UNC5D: variants seen among roughly 807,000 people sequenced by gnomAD.
UNC5D encodes the protein unc-5 netrin receptor D, also known as netrin receptor UNC5D.
Under a neutral mutation model 105.4 loss-of-function variants are expected in UNC5D, and 39 were observed. The observed-to-expected ratio is 0.37, with a 90% CI of 0.29 to 0.48. The LOEUF is 0.48. Among genes scored for constraint, UNC5D ranks in the 20% least tolerant of loss-of-function variants. UNC5D has a pLI of 0.98. For synonymous variants in UNC5D, 452 were observed against 450.4 expected, an observed-to-expected ratio of 1.00 and a Z score of -0.04; for missense variants, 991 against 1,202.4, an observed-to-expected ratio of 0.82 and a Z score of 2.60.
At chr8:35,385,089 C>G (rs1156264337) in intron 1 of UNC5D, among the ~76,000 whole-genome samples, 1 of 152,158 alleles carries the variant, frequency 6.6e-6, no homozygotes, top group African/African-American at 2.4e-5. Context: ...TCACTCTTTC[C>G]TTAGTGAAGT....
Position 35,790,721 on chromosome 8 carries a change from A to C in UNC5D, c.*158A>C. 2 of 716,256 alleles carry C rather than the reference A, an allele frequency of 2.8e-6. No homozygotes were observed. Among genetic ancestry groups the C allele is most frequent in the Non-Finnish European group, 4.6e-6 (2 of 432,234 alleles). The allele number at this position is 716,256 out of a possible 1,614,324, so 44.4% of individuals were successfully genotyped here. On this transcript the variant is annotated 3_prime_UTR_variant, in exon 17 of 17. Coordinates refer to ENST00000404895, the MANE Select transcript of UNC5D (RefSeq NM_080872.4). Reference sequence around the variant, plus strand: ...GAAGAAACTAAATTTTATATAGGTAAAACATGTTAATAGGGAAGAGTACAA... The same window carrying C: ...GAAGAAACTAAATTTTATATAGGTACAACATGTTAATAGGGAAGAGTACAA...
At chr8:35,740,448 A>C in intron 11 of UNC5D, among the ~76,000 whole-genome samples, 1 of 152,190 alleles carries the variant, frequency 6.6e-6, no homozygotes, top group East Asian at 1.9e-4. Context: ...AAGGAGCACA[A>C]GCCTCCTGAC....
At chr8:35,782,808 G>A (rs1802564772) in intron 16 of UNC5D, among the ~76,000 whole-genome samples, 1 of 151,988 alleles carries the variant, frequency 6.6e-6, no homozygotes, top group African/African-American at 2.4e-5. Flanking sequence ...TGGCCCAGAA[G>A]ATCTTTTAAA....
chr8:35,587,766 AT>A (rs1818880512), intron 3 of UNC5D, among the ~76,000 whole-genome samples: 2 of 151,896 alleles, frequency 1.3e-5, no homozygotes, highest in South Asian at 4.2e-4. Flanking sequence ...TAGTACAGAG[AT>A]GCTTGACAAC....
intron 3 of UNC5D, among the ~76,000 whole-genome samples, chr8:35,576,992 C>G (rs537603276): frequency 3.2e-4 from 48 of 152,190 alleles, no homozygotes; most frequent in African/African-American, 1.1e-3. Context: ...TCCCTTAAGC[C>G]CTTTACTGAG....
chr8:35,632,206 AT>A (rs1006249344), intron 4 of UNC5D, among the ~76,000 whole-genome samples: 1 of 152,024 alleles, frequency 6.6e-6, no homozygotes, highest in African/African-American at 2.4e-5. Flanking sequence ...AAAAGTTTCC[AT>A]TTTTTCTATT....
At chr8:35,375,355 T>G (rs1426641576) in intron 1 of UNC5D, among the ~76,000 whole-genome samples, 1 of 152,178 alleles carries the variant, frequency 6.6e-6, no homozygotes, top group African/African-American at 2.4e-5. Context: ...TGATCTTTGC[T>G]ATACTTACAG....
intron 1 of UNC5D, among the ~76,000 whole-genome samples, chr8:35,403,825 A>C (rs1375015418): frequency 1.1e-4 from 16 of 152,178 alleles, no homozygotes; most frequent in Admixed American, 1.0e-3. Context: ...AATTAGATCA[A>C]GCTAAATTCA....
At chr8:35,551,236 A>G (rs1360739211) in intron 2 of UNC5D, among the ~76,000 whole-genome samples, 1 of 152,218 alleles carries the variant, frequency 6.6e-6, no homozygotes, top group East Asian at 1.9e-4. Context: ...CTACAGAAAT[A>G]ACAACCAGAA....
intron 1 of UNC5D, among the ~76,000 whole-genome samples, chr8:35,376,541 C>A (rs1018107366): frequency 2.0e-5 from 3 of 151,900 alleles, no homozygotes; most frequent in Admixed American, 6.6e-5. Context: ...CTATTTAGAG[C>A]GAGAATGGAG....
In UNC5D at chr8:35,417,621, A is replaced by AT. The variant is rs1183065491; in HGVS notation, c.104-131662dup. On this transcript the variant is annotated intron_variant, in intron 1 of 16. Coordinates refer to ENST00000404895, the MANE Select transcript of UNC5D (RefSeq NM_080872.4). ...TTGAAGTAACAGGTCAAATATATAG[A>AT]TTTTTTTTTAATGACACAAGTCTAG... Among the ~76,000 whole-genome samples, 26 of 151,362 alleles carry AT rather than the reference A, an allele frequency of 1.7e-4. No homozygotes were observed. The East Asian group carries it at 1.7e-3, about 10-fold the overall frequency.
At chr8:35,708,465 CTT>C (rs1827739422) in intron 8 of UNC5D, among the ~76,000 whole-genome samples, 1 of 152,182 alleles carries the variant, frequency 6.6e-6, no homozygotes. Context: ...TTAATAGAAA[CTT>C]CATTACCATC....
At position 35,292,769 on chromosome 8, in the gene UNC5D, T is replaced by G. The variant is rs1228242471; in HGVS notation, c.103+56882T>G. Among the ~76,000 whole-genome samples, 7 of 147,440 alleles carry G rather than the reference T, an allele frequency of 4.7e-5. 2 individuals carry two copies. The highest frequency in any genetic ancestry group is 2.8e-4 in the Admixed American group (4 of 14,312). ...TCTCACTTCGTTGCCCAGGCTGGTGTGCAGTGGTGCAATCTCGGCTCACTA... is the reference window on the plus strand; with the variant it reads ...TCTCACTTCGTTGCCCAGGCTGGTGGGCAGTGGTGCAATCTCGGCTCACTA... On this transcript the variant is annotated intron_variant, in intron 1 of 16. Transcript: ENST00000404895.
chr8:35,648,821 G>A (rs1356476747), intron 4 of UNC5D, among the ~76,000 whole-genome samples: 1 of 152,026 alleles, frequency 6.6e-6, no homozygotes, highest in Admixed American at 6.6e-5. Context: ...GCAGTCACAT[G>A]TTTGATCAAT....
At chr8:35,689,538 A>G (rs1826249190) in intron 7 of UNC5D, among the ~76,000 whole-genome samples, 1 of 152,244 alleles carries the variant, frequency 6.6e-6, no homozygotes, top group Non-Finnish European at 1.5e-5. Flanking sequence ...AAGCCCAGCA[A>G]GTCCAAAATC....
At chr8:35,364,808 G>A (rs1802025687) in intron 1 of UNC5D, among the ~76,000 whole-genome samples, 1 of 151,950 alleles carries the variant, frequency 6.6e-6, no homozygotes, top group Non-Finnish European at 1.5e-5. Context: ...CTTTTCCATT[G>A]TGGAAGTTGG....
intron 1 of UNC5D, among the ~76,000 whole-genome samples, chr8:35,543,851 G>C (rs1029358417): frequency 6.6e-6 from 1 of 152,138 alleles, no homozygotes; most frequent in Non-Finnish European, 1.5e-5. Flanking sequence ...CATTCTTATT[G>C]TAAGTGAAGA....
chr8:35,317,935 C>G (rs949154528), intron 1 of UNC5D, among the ~76,000 whole-genome samples: 10 of 121,076 alleles, frequency 8.3e-5, no homozygotes, highest in African/African-American at 2.7e-4. Context: ...CACTGCCAAC[C>G]CTTGTTCTAG....
intron 7 of UNC5D, among the ~76,000 whole-genome samples, chr8:35,689,972 C>T (rs1826273817): frequency 1.3e-5 from 2 of 152,140 alleles, no homozygotes. Context: ...GTGGAAATAA[C>T]ATAGCTAGGA....
Sources: allele counts gnomAD v4.1 joint callset (sites outside exome capture counted in the v4.1 genomes callset), GRCh38; gene constraint gnomAD v4.1.1; transcripts MANE v1.5; gene names NCBI Gene and HGNC (gene_info 2026-07-23, HGNC 2026-07-21).